NLRP2: variants seen among roughly 807,000 people sequenced by gnomAD.
NLRP2 encodes NLR family pyrin domain containing 2.
In NLRP2, 107 loss-of-function variants were observed where a neutral mutation model predicts 97.2. That is an observed-to-expected ratio of 1.10 (90% CI 0.94 to 1.29). NLRP2 has a LOEUF of 1.29. Among genes scored for constraint, NLRP2 ranks in the 50% most tolerant of loss-of-function variants. The pLI is 0.00. For synonymous variants in NLRP2, 663 were observed against 551.5 expected (o/e 1.20, Z -2.83); for missense variants, 1,495 against 1,330.3 (o/e 1.12, Z -1.93).
At chr19:54,998,611 C>CTTTTTTTTTTTTTTTTTCTTTTT (rs2072981477) in intron 12 of NLRP2, among the ~76,000 whole-genome samples, 4 of 42,190 alleles carry the variant, frequency 9.5e-5, no homozygotes, top group Admixed American at 3.6e-4. Context: ...CATCTTTTTT[C>CTTTTTTTTTTTTTTTTTCTTTTT]TTTTTTTTTT....
intron 3 of NLRP2, among the ~76,000 whole-genome samples, chr19:54,975,161 T>G (rs1324302372): frequency 7.7e-6 from 1 of 130,064 alleles, no homozygotes; most frequent in Non-Finnish European, 1.6e-5. Flanking sequence ...GGCTTCACTC[T>G]GTCACTTAGG....
intron 10 of NLRP2, chr19:54,993,247 T>G (rs530474308): frequency 6.7e-6 from 1 of 148,926 alleles, no homozygotes; most frequent in Non-Finnish European, 1.5e-5. Flanking sequence ...TTCTATACAT[T>G]CATAAAGTTT....
At chr19:54,994,563 C>T (rs1034229791) in intron 11 of NLRP2, 124 bp downstream of exon 11, 10 of 976,748 alleles carry the variant, frequency 1.0e-5, no homozygotes, top group Admixed American at 3.7e-5. Flanking sequence ...TAGAGTCGAT[C>T]GAGCATTTAC....
chr19:54,984,329 G>GTGTTTTTTTTTTTT lies in NLRP2; in HGVS notation c.2030+602_2030+603insGTTTTTTTTTTTTT. Among the ~76,000 whole-genome samples, 21 of 79,668 alleles carry GTGTTTTTTTTTTTT rather than the reference G, an allele frequency of 2.6e-4. 2 individuals carry two copies. Among genetic ancestry groups the GTGTTTTTTTTTTTT allele is most frequent in the African/African-American group, 9.7e-4 (21 of 21,608 alleles). The allele number at this position is 79,668 out of a possible 152,430, so 52.3% of individuals were successfully genotyped here. A position where few individuals can be genotyped will look rare whatever the true frequency, so the allele number is the denominator to read the frequency against. ...AACTTAAGTGGGGGTTTTTTTTTGT[G>GTGTTTTTTTTTTTT]TTTTTTTTTTTTTTTTTTTTTTTGG... On this transcript the variant is annotated intron_variant, in intron 6 of 12. Coordinates refer to ENST00000448584, the MANE Select transcript of NLRP2 (RefSeq NM_017852.5).
intron 12 of NLRP2, among the ~76,000 whole-genome samples, chr19:54,998,595 G>T (rs1313527398): frequency 1.8e-5 from 1 of 55,470 alleles, no homozygotes; most frequent in Admixed American, 2.1e-4. Flanking sequence ...TCTTTTTTTT[G>T]GGGTGCATCT....
chr19:54,967,019 T>A (rs1366527973), intron 1 of NLRP2, among the ~76,000 whole-genome samples: 4 of 151,586 alleles, frequency 2.6e-5, no homozygotes, highest in Non-Finnish European at 5.9e-5. Flanking sequence ...GCTAATAATA[T>A]TATTATTACC....
intron 3 of NLRP2, among the ~76,000 whole-genome samples, chr19:54,975,101 G>GTT (rs1190231820): frequency 3.6e-5 from 3 of 83,100 alleles, no homozygotes; most frequent in Non-Finnish European, 5.0e-5. Flanking sequence ...ACCACACCCG[G>GTT]TTTTGTTTTT....
intron 8 of NLRP2, among the ~76,000 whole-genome samples, chr19:54,989,233 G>C (rs903504113): frequency 1.2e-4 from 18 of 151,878 alleles, no homozygotes; most frequent in African/African-American, 4.3e-4. Context: ...TGGGATTACA[G>C]GCATGAGCCA....
chr19:54,983,750 C>T lies in NLRP2; in HGVS notation c.2030+22C>T, dbSNP rs372283744. On this transcript the variant is annotated intron_variant, in intron 6 of 12. Coordinates refer to ENST00000448584, the MANE Select transcript of NLRP2 (RefSeq NM_017852.5). ...AGAGGTGAGAACCGTTTCACTCTAC[C>T]AGTCGTTCCATCTTTAGCCTCATCC... 21 of 1,604,710 alleles carry T rather than the reference C, an allele frequency of 1.3e-5. 1 individual carries two copies. The African/African-American group carries it at 1.9e-4, about 14-fold the overall frequency.
rs2072294485 is a variant in NLRP2, at chr19:54,989,170, ATGG to A, written c.2367-850_2367-848del. On this transcript the variant is annotated intron_variant, in intron 8 of 12. Transcript: ENST00000448584. The stretch of plus-strand genomic sequence containing the variant: ...CCGGGGTTTCACCATGTTGGCCAGG[ATGG>A]TCTCAAACTCCTGACCTCCTGATCT... Among the ~76,000 whole-genome samples, 12 of 146,508 alleles carry A rather than the reference ATGG, an allele frequency of 8.2e-5. No homozygotes were observed. The South Asian group carries it at 3.0e-3, about 37-fold the overall frequency.
In NLRP2 at chr19:54,986,182, C is replaced by CA. The variant is rs1177887124; in HGVS notation, c.2233_2234insA (p.Arg745GlnfsTer22). 1 of 1,613,410 alleles carries CA rather than the reference C, an allele frequency of 6.2e-7. No individual in the cohort carries two copies. Among genetic ancestry groups the CA allele is most frequent in the African/African-American group, 1.3e-5 (1 of 74,904 alleles). On this transcript the variant is annotated frameshift_variant, in exon 8 of 13. Transcript: ENST00000448584. LOFTEE classifies it high-confidence loss of function. ...AAACATTTCCCCAGCTGATGCTCAT[C>CA]GGAACCTCTGCCTAGCTCTTCGAGG...
Position 54,982,242 on chromosome 19 carries a change from G to A in NLRP2, c.544G>A (p.Val182Ile), listed in dbSNP as rs760908668. 1 of 1,614,092 alleles carries A rather than the reference G, an allele frequency of 6.2e-7. No homozygotes were observed. Among genetic ancestry groups the A allele is most frequent in the South Asian group, 1.1e-5 (1 of 91,076 alleles). ...WKSWPGDSKE[V>I]QVMAERYKML... ...GAGCTGGCCTGGAGATAGCAAAGAG[G>A]TCCAGGTTATGGCTGAGAGATACAA... Residue 182 changes from valine (V) to isoleucine (I), a missense_variant, in exon 6 of 13, where the codon GTC (valine) becomes ATC (isoleucine). Transcript: ENST00000448584.
chr19:54,985,248 C>T (rs538438917), intron 7 of NLRP2, 31 bp downstream of exon 7: 140 of 1,597,970 alleles, frequency 8.8e-5, no homozygotes, highest in Non-Finnish European at 1.1e-4. Flanking sequence ...GAACTCAAAT[C>T]CTTAGGGTAT....
At chr19:54,975,196 C>G (rs957371575) in intron 3 of NLRP2, among the ~76,000 whole-genome samples, 2 of 140,606 alleles carry the variant, frequency 1.4e-5, no homozygotes, top group Non-Finnish European at 3.0e-5. Flanking sequence ...TCATGGTTCA[C>G]TGCAGCCTTG....
chr19:54,990,493 C>G lies in NLRP2; in HGVS notation c.2538-9C>G, dbSNP rs753695838. 3.1e-6 allele frequency: 5 copies of G among 1,613,946 alleles called. No homozygotes were observed. The highest frequency in any genetic ancestry group is 4.5e-5 in the East Asian group (2 of 44,872). The stretch of plus-strand genomic sequence containing the variant: ...GTCAACCGTGTTGCCATTTGTGATT[C>G]TTTTGTAGGTTGGAAAACTGTCACC... On this transcript the variant is annotated splice_polypyrimidine_tract_variant and intron_variant, in intron 9 of 12. Transcript: ENST00000448584.
At chr19:54,981,391 T>C (rs1486515717) in intron 4 of NLRP2, among the ~76,000 whole-genome samples, 1 of 151,810 alleles carries the variant, frequency 6.6e-6, no homozygotes, top group African/African-American at 2.4e-5. Flanking sequence ...GGTCTCGAAC[T>C]CCTGAGCTCA....
intron 12 of NLRP2, among the ~76,000 whole-genome samples, chr19:55,000,524 C>T (rs34750852): frequency 0.14 from 21,637 of 149,984 alleles, 2,209 homozygotes; most frequent in Non-Finnish European, 0.21. Context: ...GTGATCCACC[C>T]GCCTCAGCCT....
chr19:54,982,102 G>GT, intron 5 of NLRP2, 60 bp from the exon 6 acceptor site: 2 of 1,609,518 alleles, frequency 1.2e-6, no homozygotes, highest in Non-Finnish European at 1.7e-6. Flanking sequence ...TGTTATTTTG[G>GT]TTTTCCCTAT....
intron 6 of NLRP2, among the ~76,000 whole-genome samples, chr19:54,984,327 G>GTGTGTGTTTTTTTTTT (rs1203056319): frequency 3.2e-4 from 14 of 43,346 alleles, no homozygotes; most frequent in Admixed American, 9.0e-4. Context: ...GTTTTTTTTT[G>GTGTGTGTTTTTTTTTT]TGTTTTTTTT....
Sources: allele counts gnomAD v4.1 joint callset (sites outside exome capture counted in the v4.1 genomes callset), GRCh38; gene constraint gnomAD v4.1.1; transcripts MANE v1.5; gene names NCBI Gene and HGNC (gene_info 2026-07-23, HGNC 2026-07-21).